Variants in FOCAD observed in about 807,000 individuals in gnomAD.
FOCAD encodes KIAA1797.
FOCAD carries 198 observed loss-of-function variants against 225.6 expected under a neutral mutation model. The ratio of observed to expected loss-of-function variants is 0.88; its 90% CI spans 0.78 to 0.99. The LOEUF (loss-of-function observed/expected upper bound fraction) is 0.99. Ranked by LOEUF, FOCAD falls within the 50% of genes least tolerant of loss-of-function variation. The pLI, the probability that FOCAD is intolerant of heterozygous loss-of-function variation, is 0.00. For missense variants in FOCAD, 2,713 were observed against 2,123.6 expected (o/e 1.28, Z -5.46); for synonymous variants, 897 against 755.0 (o/e 1.19, Z -3.08).
At chr9:20,848,465 T>G (rs1827336820) in intron 15 of FOCAD, among the ~76,000 whole-genome samples, 1 of 151,924 alleles carries the variant, frequency 6.6e-6, no homozygotes, top group Admixed American at 6.6e-5. Context: ...ATTTTTAGAT[T>G]TTATTGCTGG....
Position 20,885,191 on chromosome 9 carries a change from G to A in FOCAD, c.2586G>A (p.Gly862=). 1 of 1,542,262 alleles carries A rather than the reference G, an allele frequency of 6.5e-7. No homozygotes were observed. The highest frequency in any genetic ancestry group is 8.8e-7 in the Non-Finnish European group (1 of 1,141,646). Residue 862 remains glycine (G), a synonymous_variant, in exon 21 of 44, where the codon GGG becomes GGA. Coordinates refer to ENST00000338382, the MANE Select transcript of FOCAD (RefSeq NM_001375567.1). ...TGAACAGACTGATGGCCAGCAGAGG[G>A]CGAAGTTTCAAGCAGACTTCACTTG... is the stretch of plus-strand genomic sequence containing the variant. ...KPLNRLMASR[G]RSFKQTSLAL...
chr9:20,940,004 A>G (rs940621492), intron 28 of FOCAD, among the ~76,000 whole-genome samples: 1 of 150,774 alleles, frequency 6.6e-6, no homozygotes, highest in African/African-American at 2.4e-5. Context: ...CATGCGTCCA[A>G]GTGTTCTCAT....
At chr9:20,913,243 A>G (rs1374938012) in intron 23 of FOCAD, among the ~76,000 whole-genome samples, 2 of 151,244 alleles carry the variant, frequency 1.3e-5, no homozygotes, top group Admixed American at 6.6e-5. Flanking sequence ...CCTGTAACTG[A>G]TTATTTTATA....
chr9:20,967,209 A>G (rs1251559973), intron 35 of FOCAD, among the ~76,000 whole-genome samples: 1 of 152,084 alleles, frequency 6.6e-6, no homozygotes, highest in Non-Finnish European at 1.5e-5. Flanking sequence ...AGCATATTCT[A>G]AACTTTTCGG....
intron 14 of FOCAD, 33 bp downstream of exon 14, chr9:20,821,104 C>A: frequency 6.3e-7 from 1 of 1,585,628 alleles, no homozygotes; most frequent in South Asian, 1.1e-5. Flanking sequence ...GAATGTATAT[C>A]ATGATATATT....
chr9:20,797,908 T>C (rs10811407), intron 11 of FOCAD, among the ~76,000 whole-genome samples: 80,429 of 151,894 alleles, frequency 0.53, 22,119 homozygotes, highest in Non-Finnish European at 0.61. Context: ...TGAGAGAGGG[T>C]ATCCTTGTCT....
At chr9:20,933,998 T>TA (rs1217196551) in intron 28 of FOCAD, among the ~76,000 whole-genome samples, 1 of 152,182 alleles carries the variant, frequency 6.6e-6, no homozygotes, top group Non-Finnish European at 1.5e-5. Flanking sequence ...TGGTCATTTG[T>TA]ATATCTTCTT....
In FOCAD at chr9:20,740,335, C is replaced by A. The variant is rs1172878457; in HGVS notation, c.387C>A (p.Thr129=). The change falls in exon 5 of 44, where the codon ACC becomes ACA. Residue 129 remains threonine, a synonymous_variant. Transcript: ENST00000338382. ...AAAAGAATATTCAGAGTATATATAC[C>A]ATTAGGTAAGCCTTTTTTCTGTTTT... is the stretch of plus-strand genomic sequence containing the variant. ...GGEKNIQSIY[T]IRNHPHPLIT... is the part of the protein sequence containing the mutation. 1.9e-6 allele frequency: 3 copies of A among 1,542,100 alleles called. No individual in the cohort carries two copies. The highest frequency in any genetic ancestry group is 2.6e-6 in the Non-Finnish European group (3 of 1,136,776).
intron 1 of FOCAD, among the ~76,000 whole-genome samples, chr9:20,711,892 C>T (rs982678444): frequency 2.6e-5 from 4 of 151,984 alleles, no homozygotes; most frequent in Non-Finnish European, 5.9e-5. Context: ...AGATAGCACT[C>T]GAGGAGCAGA....
intron 1 of FOCAD, among the ~76,000 whole-genome samples, chr9:20,709,307 G>A (rs984751021): frequency 2.0e-5 from 3 of 152,224 alleles, no homozygotes; most frequent in South Asian, 2.1e-4. Context: ...ATAAATCTTT[G>A]AAAATCAAAC....
Position 20,865,973 on chromosome 9 carries a change from C to A in FOCAD, c.2103C>A (p.Asn701Lys). Residue 701 changes from asparagine (N) to lysine (K), a missense_variant, in exon 17 of 44, where the codon AAC becomes AAA. Transcript: ENST00000338382. The part of the protein sequence containing the change: ...VLSFLWTHTQ[N>K]KDPIVANAAY... Reference sequence around the variant, plus strand: ...GCTTCCTCTGGACTCATACTCAAAACAAGGTACTATCACAAGGCTTGTCAG... The same window carrying A: ...GCTTCCTCTGGACTCATACTCAAAAAAAGGTACTATCACAAGGCTTGTCAG... 1 of 1,606,872 alleles carries A rather than the reference C, an allele frequency of 6.2e-7. No homozygotes were observed. The highest frequency in any genetic ancestry group is 8.5e-7 in the Non-Finnish European group (1 of 1,176,642).
chr9:20,748,272 A>T (rs747217611), intron 5 of FOCAD, among the ~76,000 whole-genome samples: 11 of 152,108 alleles, frequency 7.2e-5, no homozygotes, highest in Non-Finnish European at 1.5e-4. Flanking sequence ...ATTTCTGGAC[A>T]GAACATATCA....
In FOCAD at chr9:20,837,784, G is replaced by A. The variant is rs544574618; in HGVS notation, c.1920+14669G>A. ...TATAAACAATGGTGTTATTTGTTGGGCTTAAACTCGTTTCTGTGCTATGTA... is the reference window on the plus strand; with the variant it reads ...TATAAACAATGGTGTTATTTGTTGGACTTAAACTCGTTTCTGTGCTATGTA... On this transcript the variant is annotated intron_variant, in intron 15 of 43. Transcript: ENST00000338382. Among the ~76,000 whole-genome samples the A allele has an allele frequency of 3.3e-5, 5 of 152,136 alleles. No individual in the cohort carries two copies. In the South Asian group the frequency reaches 1.0e-3, roughly 32 times the overall value.
intron 4 of FOCAD, among the ~76,000 whole-genome samples, chr9:20,737,342 T>G (rs1299782740): frequency 6.6e-6 from 1 of 152,072 alleles, no homozygotes; most frequent in Non-Finnish European, 1.5e-5. Context: ...AGAACTCTAG[T>G]CATATGACAA....
intron 24 of FOCAD, among the ~76,000 whole-genome samples, chr9:20,918,839 G>C (rs576548072): frequency 6.6e-6 from 1 of 152,288 alleles, no homozygotes; most frequent in East Asian, 1.9e-4. Flanking sequence ...TGGAGGCTGA[G>C]AGATTGGTGA....
chr9:20,876,344 G>A (rs1830221323), intron 19 of FOCAD, among the ~76,000 whole-genome samples: 1 of 152,114 alleles, frequency 6.6e-6, no homozygotes, highest in South Asian at 2.1e-4. Flanking sequence ...ATAACCTAGA[G>A]TCAGAAGTCC....
chr9:20,825,019 A>AT (rs993954817), intron 15 of FOCAD, among the ~76,000 whole-genome samples: 19 of 151,278 alleles, frequency 1.3e-4, no homozygotes, highest in South Asian at 1.3e-3. Flanking sequence ...TTTGGTGATA[A>AT]TTTTTTTTTA....
At chr9:20,938,464 G>C (rs1343604464) in intron 28 of FOCAD, among the ~76,000 whole-genome samples, 1 of 151,972 alleles carries the variant, frequency 6.6e-6, no homozygotes, top group Non-Finnish European at 1.5e-5. Flanking sequence ...ATCATTCTCA[G>C]CAAACTGTCG....
At chr9:20,939,921 G>A (rs1216654377) in intron 28 of FOCAD, among the ~76,000 whole-genome samples, 1 of 103,798 alleles carries the variant, frequency 9.6e-6, no homozygotes, top group Non-Finnish European at 1.9e-5. Flanking sequence ...CCCCACGACA[G>A]GCCCCAGTGT....
Sources: gnomAD v4.1 joint callset for allele counts (sites outside exome capture counted in the v4.1 genomes callset) on GRCh38, gnomAD v4.1.1 for gene constraint, MANE v1.5 for transcripts, NCBI Gene and HGNC (gene_info 2026-07-23, HGNC 2026-07-21) for gene names.